Variants in PDCD1LG2 observed in about 807,000 individuals in gnomAD.
PDCD1LG2 encodes the protein programmed cell death 1 ligand 2, also known as B7 dendritic cell molecule.
In PDCD1LG2, 32 loss-of-function variants were observed where a neutral mutation model predicts 28.2. The ratio of observed to expected loss-of-function variants is 1.13; its 90% CI spans 0.86 to 1.52. The LOEUF (loss-of-function observed/expected upper bound fraction) is 1.52. Ranked by LOEUF, PDCD1LG2 falls within the 40% of genes most tolerant of loss-of-function variation. The pLI is 0.00. For synonymous variants in PDCD1LG2, 116 were observed against 120.2 expected (o/e 0.97, Z 0.23); for missense variants, 385 against 323.8 (o/e 1.19, Z -1.45).
At chr9:5,526,971 G>A (rs1820391825) in intron 2 of PDCD1LG2, among the ~76,000 whole-genome samples, 1 of 151,756 alleles carries the variant, frequency 6.6e-6, no homozygotes, top group South Asian at 2.1e-4. Flanking sequence ...AAAAATGTGT[G>A]CCTCCTAAAG....
intron 2 of PDCD1LG2, among the ~76,000 whole-genome samples, chr9:5,530,735 C>G (rs1820466486): frequency 6.6e-6 from 1 of 152,224 alleles, no homozygotes; most frequent in Admixed American, 6.5e-5. Flanking sequence ...AAATGATGGG[C>G]TAGCCCAGTG....
chr9:5,550,412 T>A (rs1816306665), intron 4 of PDCD1LG2, among the ~76,000 whole-genome samples: 1 of 152,220 alleles, frequency 6.6e-6, no homozygotes, highest in Non-Finnish European at 1.5e-5. Flanking sequence ...AGTGCATATG[T>A]TTTCTAATGC....
chr9:5,556,675 C>A (rs1390497193), intron 4 of PDCD1LG2, among the ~76,000 whole-genome samples: 2 of 152,174 alleles, frequency 1.3e-5, no homozygotes, highest in African/African-American at 2.4e-5. Flanking sequence ...CTGAGCCCTT[C>A]CCGCTGAGCA....
At position 5,525,370 on chromosome 9, in the gene PDCD1LG2, A is replaced by T. The variant is rs189876907; in HGVS notation, c.55+2769A>T. The stretch of plus-strand genomic sequence containing the variant: ...AAAAAAAAAAAAAAGAAAAAAAAAC[A>T]CTTATGGCGGTATTCTCAGTCATTA... On this transcript the variant is annotated intron_variant, in intron 2 of 6. Transcript: ENST00000397747. Among the ~76,000 whole-genome samples the T allele has an allele frequency of 5.1e-3, 767 of 151,306 alleles. 10 individuals carry two copies. Among genetic ancestry groups the T allele is most frequent in the African/African-American group, 0.017 (714 of 41,276 alleles).
chr9:5,542,908 T>A (rs1404439904), intron 3 of PDCD1LG2, among the ~76,000 whole-genome samples: 1 of 152,102 alleles, frequency 6.6e-6, no homozygotes, highest in Non-Finnish European at 1.5e-5. Context: ...CAATTTGCAA[T>A]TGCAAATATA....
chr9:5,513,966 T>C (rs1057318771), intron 1 of PDCD1LG2, among the ~76,000 whole-genome samples: 3 of 152,338 alleles, frequency 2.0e-5, no homozygotes, highest in African/African-American at 4.8e-5. Flanking sequence ...AGTTCAGGTA[T>C]TTCAGATCAA....
At chr9:5,519,615 T>C (rs564851813) in intron 1 of PDCD1LG2, among the ~76,000 whole-genome samples, 5 of 152,224 alleles carry the variant, frequency 3.3e-5, no homozygotes, top group African/African-American at 7.2e-5. Flanking sequence ...GGTGATGTAA[T>C]GCAGATATCC....
intron 1 of PDCD1LG2, among the ~76,000 whole-genome samples, chr9:5,516,267 G>T (rs534892095): frequency 1.3e-5 from 2 of 152,196 alleles, no homozygotes; most frequent in African/African-American, 4.8e-5. Flanking sequence ...TGGCCAGGCT[G>T]GTCTCAAACT....
intron 2 of PDCD1LG2, among the ~76,000 whole-genome samples, chr9:5,532,400 A>G (rs1217152697): frequency 6.6e-6 from 1 of 152,230 alleles, no homozygotes; most frequent in African/African-American, 2.4e-5. Context: ...CTGTGTGGCA[A>G]TTAAGAATGC....
At chr9:5,515,109 A>G (rs1169769847) in intron 1 of PDCD1LG2, among the ~76,000 whole-genome samples, 2 of 152,228 alleles carry the variant, frequency 1.3e-5, no homozygotes, top group Non-Finnish European at 2.9e-5. Context: ...TACCTTGTCC[A>G]AGTTCCCACA....
At chr9:5,516,951 C>A (rs1820177905) in intron 1 of PDCD1LG2, among the ~76,000 whole-genome samples, 1 of 152,196 alleles carries the variant, frequency 6.6e-6, no homozygotes, top group Non-Finnish European at 1.5e-5. Flanking sequence ...TGCCTGGGAG[C>A]ATGCGGTTCC....
At chr9:5,549,266 G>A (rs2129872323) in intron 3 of PDCD1LG2, 69 bp from the exon 4 acceptor site, 3 of 1,402,302 alleles carry the variant, frequency 2.1e-6, no homozygotes, top group Non-Finnish European at 2.9e-6. Flanking sequence ...ATTTCACATG[G>A]CATGAAGTAC....
chr9:5,514,485 C>G (rs1185251596), intron 1 of PDCD1LG2, among the ~76,000 whole-genome samples: 1 of 152,096 alleles, frequency 6.6e-6, no homozygotes, highest in Non-Finnish European at 1.5e-5. Flanking sequence ...TTTCTGTTTA[C>G]GAACTTATCC....
Position 5,569,909 on chromosome 9 carries a change from A to G in PDCD1LG2, c.817-45A>G. The G allele has an allele frequency of 1.2e-6, 2 of 1,603,554 alleles. No homozygotes were observed. Among genetic ancestry groups the G allele is most frequent in the Non-Finnish European group, 1.7e-6 (2 of 1,171,678 alleles). On this transcript the variant is annotated intron_variant, in intron 6 of 6. Transcript: ENST00000397747. This position sits in a 1 kb window ranked among gnomAD's most constrained non-coding sequence, Gnocchi z 4.1. ...ATTTTGGGGAGGTTATATATTTTCT[A>G]ATCATAAAAAATGATTTTTCTTATT...
chr9:5,559,560 T>G (rs915212170), intron 5 of PDCD1LG2, among the ~76,000 whole-genome samples: 1 of 152,214 alleles, frequency 6.6e-6, no homozygotes, highest in African/African-American at 2.4e-5. Context: ...ATGGTCTTTC[T>G]ATCTGTAAAA....
chr9:5,547,552 T>G, intron 3 of PDCD1LG2, among the ~76,000 whole-genome samples: 1 of 151,106 alleles, frequency 6.6e-6, no homozygotes, highest in East Asian at 1.9e-4. Flanking sequence ...GTTGTAATGT[T>G]TTATTTTAAT....
Position 5,535,038 on chromosome 9 carries a change from C to G in PDCD1LG2, c.349C>G (p.Leu117Val), listed in dbSNP as rs751484563. The G allele has an allele frequency of 3.7e-6, 6 of 1,607,460 alleles. No homozygotes were observed. The highest frequency in any genetic ancestry group is 5.1e-6 in the Non-Finnish European group (6 of 1,176,088). Residue 117 changes from leucine to valine, a missense_variant, in exon 3 of 7, where the codon CTG becomes GTG. Leu to Val is a conservative substitution (Grantham distance 32, BLOSUM62 1). Coordinates refer to ENST00000397747, the MANE Select transcript of PDCD1LG2 (RefSeq NM_025239.4). Reference protein sequence around the residue: ...GVAWDYKYLTLKVKASYRKIN... With the variant: ...GVAWDYKYLTVKVKASYRKIN... ...CGCCTGGGACTACAAGTACCTGACT[C>G]TGAAAGTCAAAGGTGAGTGGTGTCA...
chr9:5,538,916 A>G (rs955530041), intron 3 of PDCD1LG2, among the ~76,000 whole-genome samples: 1 of 152,134 alleles, frequency 6.6e-6, no homozygotes, highest in East Asian at 1.9e-4. Context: ...ATGTATAGTG[A>G]TCAGATCGGG....
chr9:5,557,935 G>C (rs958710927), intron 5 of PDCD1LG2, among the ~76,000 whole-genome samples, 183 bp downstream of exon 5: 1 of 152,182 alleles, frequency 6.6e-6, no homozygotes, highest in East Asian at 1.9e-4. Context: ...TCGTCAGTGA[G>C]CTGAACTTCT....
Sources: allele counts gnomAD v4.1 joint callset (sites outside exome capture counted in the v4.1 genomes callset), GRCh38; gene constraint gnomAD v4.1.1; non-coding constraint Gnocchi (gnomAD v3.1); transcripts MANE v1.5; gene names NCBI Gene and HGNC (gene_info 2026-07-23, HGNC 2026-07-21).